The following IFT122 variants were observed in gnomAD, a reference collection of about 807,000 sequenced individuals.
The protein encoded by IFT122 is intraflagellar transport protein 122 homolog.
IFT122 carries 118 observed loss-of-function variants against 161.6 expected under a neutral mutation model. That is an observed-to-expected ratio of 0.73 (90% CI 0.63 to 0.85). The LOEUF is 0.85. IFT122 is among the 40% of genes least tolerant of loss of function. IFT122 has a pLI of 0.00. For synonymous variants in IFT122, 550 were observed against 602.4 expected (o/e 0.91, Z 1.27); for missense variants, 1,381 against 1,579.6 (o/e 0.87, Z 2.13).
rs186531298 is a variant in IFT122 at position 129,456,979 on chromosome 3, A to G, written c.194-1620A>G. The stretch of plus-strand genomic sequence containing the variant: ...CCCATAAAAAGACTCTGAGGAAGAT[A>G]CTGTTCCTCTGTGTTTCAGATGAAG... On this transcript the variant is annotated intron_variant, in intron 3 of 29. Transcript: ENST00000348417. 4.1e-3 allele frequency among the ~76,000 whole-genome samples: 621 copies of G among 152,338 alleles called. 4 individuals are homozygous for G. The highest frequency in any genetic ancestry group is 6.8e-3 in the Non-Finnish European group (464 of 68,026).
At chr3:129,465,114 A>AGTGTGTGTGT (rs56116340) in intron 7 of IFT122, among the ~76,000 whole-genome samples, 24 of 142,416 alleles carry the variant, frequency 1.7e-4, no homozygotes, top group South Asian at 1.2e-3. Context: ...CATGTATATG[A>AGTGTGTGTGT]GTGTGTGTGT....
Position 129,440,650 on chromosome 3 carries a change from C to T in IFT122, c.41+279C>T, listed in dbSNP as rs544805997. Reference sequence around the variant, plus strand: ...GGCCCTGTCGCTGCCTTGGATTCATCTCACACCCACGAGACAGCACGAAGC... The same window carrying T: ...GGCCCTGTCGCTGCCTTGGATTCATTTCACACCCACGAGACAGCACGAAGC... On this transcript the variant is annotated intron_variant, in intron 1 of 29. Coordinates refer to ENST00000348417, the MANE Select transcript of IFT122 (RefSeq NM_052989.3). Among the ~76,000 whole-genome samples, 3 of 152,332 alleles carry T rather than the reference C, an allele frequency of 2.0e-5. No homozygotes were observed. In the South Asian group the frequency reaches 6.2e-4, roughly 32 times the overall value.
chr3:129,465,575 G>A (rs1428439242), intron 7 of IFT122, among the ~76,000 whole-genome samples: 4 of 146,892 alleles, frequency 2.7e-5, no homozygotes, highest in African/African-American at 1.0e-4. Context: ...GGTTCACGCA[G>A]TTCTCCTGTC....
At position 129,485,815 on chromosome 3, in the gene IFT122, C is replaced by T. The variant is rs558921825; in HGVS notation, c.1851+2133C>T. On this transcript the variant is annotated intron_variant, in intron 15 of 29. Coordinates refer to ENST00000348417, the MANE Select transcript of IFT122 (RefSeq NM_052989.3). ...GACTGCACCAAGGCCATCCTGCTGA[C>T]GCAGCGGGTCAGGACTGCCAAGGGT... 2.6e-5 allele frequency among the ~76,000 whole-genome samples: 4 copies of T among 152,364 alleles called. No homozygotes were observed. In the East Asian group the frequency reaches 7.7e-4, roughly 29 times the overall value.
chr3:129,473,852 T>C (rs1042144939), intron 9 of IFT122, among the ~76,000 whole-genome samples: 2 of 152,268 alleles, frequency 1.3e-5, no homozygotes, highest in Non-Finnish European at 2.9e-5. Flanking sequence ...TAAATGTGCA[T>C]GTGTCTTCAG....
At chr3:129,450,546 G>A (rs1434365919) in intron 2 of IFT122, among the ~76,000 whole-genome samples, 2 of 151,980 alleles carry the variant, frequency 1.3e-5, no homozygotes, top group African/African-American at 4.8e-5. Flanking sequence ...TCCATTCTTT[G>A]TATGGTTAAC....
chr3:129,502,966 T>C, intron 20 of IFT122, 84 bp downstream of exon 20: 1 of 1,351,792 alleles, frequency 7.4e-7, no homozygotes, highest in Non-Finnish European at 1.0e-6. Flanking sequence ...CCTTTGGGGT[T>C]CAGATGGAGA....
At chr3:129,450,011 C>CTTTTTT in intron 2 of IFT122, 74 bp downstream of exon 2, 1 of 779,522 alleles carries the variant, frequency 1.3e-6, no homozygotes, top group Non-Finnish European at 2.1e-6. Context: ...AAATTTGACC[C>CTTTTTT]TTTTTTTTTT....
chr3:129,486,286 T>A (rs2079270523), intron 15 of IFT122, among the ~76,000 whole-genome samples: 1 of 152,196 alleles, frequency 6.6e-6, no homozygotes, highest in African/African-American at 2.4e-5. Context: ...CAGCTTTCAG[T>A]CCTGACTCTG....
rs1266438709 is a variant in IFT122 at position 129,479,988 on chromosome 3, G to A, written c.1488+66G>A. 4.4e-6 allele frequency: 7 copies of A among 1,591,668 alleles called. No individual in the cohort carries two copies. In the East Asian group the frequency reaches 1.1e-4, roughly 25 times the overall value. On this transcript the variant is annotated intron_variant, in intron 13 of 29. Coordinates refer to ENST00000348417, the MANE Select transcript of IFT122 (RefSeq NM_052989.3). ...CATGCACACGTGGGTGACCCGTCTA[G>A]CAATGACTCTGAGCTGGGTTCTCAG...
At chr3:129,508,689 A>G (rs554220473) in intron 23 of IFT122, among the ~76,000 whole-genome samples, 2 of 152,352 alleles carry the variant, frequency 1.3e-5, no homozygotes, top group Admixed American at 1.3e-4. Flanking sequence ...TTGGGATTTG[A>G]CGAACTCTTG....
chr3:129,440,489 A>G (rs2072840498), intron 1 of IFT122, 118 bp downstream of exon 1: 22 of 1,238,594 alleles, frequency 1.8e-5, no homozygotes, highest in Middle Eastern at 2.6e-4. Context: ...AGGGCACTGA[A>G]CCCCGGCCTG....
chr3:129,484,049 T>A (rs2108356736), intron 15 of IFT122, among the ~76,000 whole-genome samples: 1 of 147,210 alleles, frequency 6.8e-6, no homozygotes, highest in Admixed American at 6.9e-5. Context: ...ACGTGTGTGA[T>A]GGTGGTGATG....
intron 26 of IFT122, among the ~76,000 whole-genome samples, chr3:129,516,722 ACACAGAGAGACTGCCCCTG>A (rs1314128365): frequency 2.0e-5 from 2 of 102,472 alleles, no homozygotes; most frequent in African/African-American, 8.3e-5. Flanking sequence ...ACACACACAC[ACACAGAGAGACTGCCCCTG>A]CACACACACA....
intron 1 of IFT122, among the ~76,000 whole-genome samples, chr3:129,445,437 A>G (rs1408115249): frequency 1.3e-5 from 2 of 152,232 alleles, no homozygotes; most frequent in Non-Finnish European, 2.9e-5. Flanking sequence ...TCTCTGTACC[A>G]TAGTTTTCTC....
chr3:129,491,152 G>A lies in IFT122; in HGVS notation c.1993-989G>A, dbSNP rs151163335. 2.0e-3 allele frequency among the ~76,000 whole-genome samples: 298 copies of A among 152,314 alleles called. 1 individual carries two copies. The highest frequency in any genetic ancestry group is 6.3e-3 in the African/African-American group (260 of 41,560). On this transcript the variant is annotated intron_variant, in intron 16 of 29. Coordinates refer to ENST00000348417, the MANE Select transcript of IFT122 (RefSeq NM_052989.3). ...TGGTCCTGTGGGATGAAAAGATAAA[G>A]TTGCATTGTGGTCACCTGCAAGGCA...
rs548498311 is a variant in IFT122, at chr3:129,452,555, T to A, written c.193+557T>A. 6.6e-5 allele frequency among the ~76,000 whole-genome samples: 10 copies of A among 152,008 alleles called. No homozygotes were observed. In the South Asian group the frequency reaches 2.1e-3, roughly 32 times the overall value. On this transcript the variant is annotated intron_variant, in intron 3 of 29. Coordinates refer to ENST00000348417, the MANE Select transcript of IFT122 (RefSeq NM_052989.3). The stretch of plus-strand genomic sequence containing the variant: ...GGGCATCGGGGGGAAGAGAGCTCTT[T>A]GCAGAGGAAGAGCCATTGCAGAGGC...
At chr3:129,517,194 TACACACACACACAGACTGCCCCTGCAC>T (rs1411973346) in intron 26 of IFT122, among the ~76,000 whole-genome samples, 2 of 73,824 alleles carry the variant, frequency 2.7e-5, no homozygotes, top group African/African-American at 9.8e-5. Context: ...AGACTGCCCC[TACACACACACACAGACTGCCCCTGCAC>T]ACACACACAC....
chr3:129,516,205 C>T (rs1471605361), intron 26 of IFT122, among the ~76,000 whole-genome samples: 3 of 141,424 alleles, frequency 2.1e-5, no homozygotes, highest in East Asian at 2.2e-4. Context: ...TGCACACACA[C>T]GGAGACTGCC....
Sources: allele counts gnomAD v4.1 joint callset (sites outside exome capture counted in the v4.1 genomes callset), GRCh38; gene constraint gnomAD v4.1.1; transcripts MANE v1.5; gene names NCBI Gene and HGNC (gene_info 2026-07-23, HGNC 2026-07-21).